SRPK2: variants seen among roughly 807,000 people sequenced by gnomAD.
SRPK2 encodes SRSF protein kinase 2, also known as SFRS protein kinase 2.
SRPK2 carries 21 observed loss-of-function variants against 90.8 expected under a neutral mutation model. The observed-to-expected ratio is 0.23, with a 90% confidence interval of 0.16 to 0.33. The LOEUF is 0.33. Ranked by LOEUF, SRPK2 falls within the 10% of genes least tolerant of loss-of-function variation. SRPK2 has a pLI of 1.00. For synonymous variants in SRPK2, 288 were observed against 311.1 expected, an observed-to-expected ratio of 0.93 and a Z score of 0.78; for missense variants, 620 against 869.0, an observed-to-expected ratio of 0.71 and a Z score of 3.60.
chr7:105,396,796 GAA>G (rs1310987532), intron 1 of SRPK2, among the ~76,000 whole-genome samples: 4 of 84,292 alleles, frequency 4.7e-5, no homozygotes, highest in Admixed American at 1.5e-4. Flanking sequence ...GAAAGAAAGA[GAA>G]AGAGAAAGAA....
upstream of SRPK2, among the ~76,000 whole-genome samples, chr7:105,393,459 CTTTTTTTT>C (rs58162170): frequency 0.022 from 1,826 of 81,250 alleles, 35 homozygotes; most frequent in African/African-American, 0.064. Flanking sequence ...TCTGGTTTTT[CTTTTTTTT>C]TTTTTTTTTT....
At chr7:105,288,085 T>C (rs1271958168) in intron 2 of SRPK2, among the ~76,000 whole-genome samples, 1 of 152,172 alleles carries the variant, frequency 6.6e-6, no homozygotes, top group African/African-American at 2.4e-5. Context: ...GAGAGTGTTA[T>C]ATTAAAGGAA....
rs563667303 is a variant in SRPK2 at position 105,197,299 on chromosome 7, T to C, written c.229+6329A>G. Among the ~76,000 whole-genome samples, 16 of 152,320 alleles carry C rather than the reference T, an allele frequency of 1.1e-4. No homozygotes were observed. The South Asian group carries it at 1.7e-3, about 16-fold the overall frequency. On this transcript the variant is annotated intron_variant, in intron 3 of 15. Transcript: ENST00000393651. Reference sequence around the variant, plus strand: ...TGTGTATACTTATAATATTTTATGCTCTATTTTGAAGAAAATAATGTCCCT... The same window carrying C: ...TGTGTATACTTATAATATTTTATGCCCTATTTTGAAGAAAATAATGTCCCT...
intron 3 of SRPK2, among the ~76,000 whole-genome samples, chr7:105,169,956 C>T (rs1056890348): frequency 6.6e-6 from 1 of 152,128 alleles, no homozygotes; most frequent in African/African-American, 2.4e-5. Context: ...GCTGGAACTA[C>T]AGGCACACAC....
Position 105,396,528 on chromosome 7 carries a change from G to A in SRPK2, n.153+2628C>T, listed in dbSNP as rs375322498. ...TGCCTGTAGTCCCAGCTACTTGGAA[G>A]GCTGAGGCAGGAGAATGGTGTGAAC... On this transcript the variant is annotated intron_variant and non_coding_transcript_variant, in intron 1 of 3. Transcript: ENST00000462282. Among the ~76,000 whole-genome samples, 10 of 151,838 alleles carry A rather than the reference G, an allele frequency of 6.6e-5. 1 individual carries two copies. In the South Asian group the frequency reaches 1.9e-3, roughly 28 times the overall value.
intron 3 of SRPK2, among the ~76,000 whole-genome samples, chr7:105,179,725 T>C: frequency 6.9e-6 from 1 of 145,274 alleles, no homozygotes. Context: ...CTGGGGAGGC[T>C]GAGGCAGGAG....
intron 2 of SRPK2, among the ~76,000 whole-genome samples, chr7:105,323,993 G>GTGTGTA (rs1431594038): frequency 3.0e-5 from 4 of 131,744 alleles, no homozygotes; most frequent in African/African-American, 7.7e-5. Flanking sequence ...GTGTGTGTGT[G>GTGTGTA]TGTGTGTGTG....
chr7:105,305,473 A>G (rs899518680), intron 2 of SRPK2, among the ~76,000 whole-genome samples: 4 of 152,284 alleles, frequency 2.6e-5, no homozygotes, highest in African/African-American at 4.8e-5. Context: ...CTAGTTTATT[A>G]TAACAGTATA....
chr7:105,363,529 C>T (rs1457892907), intron 2 of SRPK2, among the ~76,000 whole-genome samples: 2 of 152,158 alleles, frequency 1.3e-5, no homozygotes, highest in East Asian at 1.9e-4. Context: ...CAGGAAACAA[C>T]ACGTGCTGGA....
chr7:105,196,714 A>G (rs1794960364), intron 3 of SRPK2, among the ~76,000 whole-genome samples: 1 of 152,200 alleles, frequency 6.6e-6, no homozygotes, highest in African/African-American at 2.4e-5. Context: ...TACAAATATC[A>G]ATTCTAAAGC....
chr7:105,181,749 G>A, intron 3 of SRPK2, among the ~76,000 whole-genome samples: 1 of 151,776 alleles, frequency 6.6e-6, no homozygotes. Context: ...GAGAGAATTA[G>A]AAAAAACATC....
intron 3 of SRPK2, among the ~76,000 whole-genome samples, chr7:105,195,358 T>C (rs1265310067): frequency 6.6e-6 from 1 of 152,192 alleles, no homozygotes; most frequent in Admixed American, 6.5e-5. Flanking sequence ...CTGCTAAATA[T>C]GTTTTGTAAA....
At chr7:105,215,672 C>G (rs1187991342) in intron 2 of SRPK2, among the ~76,000 whole-genome samples, 1 of 152,102 alleles carries the variant, frequency 6.6e-6, no homozygotes, top group Non-Finnish European at 1.5e-5. Flanking sequence ...ATGAAGTACT[C>G]ATAGATGCTA....
chr7:105,193,065 T>C (rs930437327), intron 3 of SRPK2, among the ~76,000 whole-genome samples: 1 of 152,230 alleles, frequency 6.6e-6, no homozygotes, highest in South Asian at 2.1e-4. Flanking sequence ...GTATTTAACT[T>C]TGTTTTGATC....
chr7:105,253,787 T>C (rs1452378088), intron 2 of SRPK2, among the ~76,000 whole-genome samples: 2 of 152,206 alleles, frequency 1.3e-5, no homozygotes, highest in African/African-American at 4.8e-5. Context: ...GTAATTTTAT[T>C]GTAGTGCAAC....
intron 3 of SRPK2, among the ~76,000 whole-genome samples, chr7:105,176,749 ATGTGTGTGTGTG>A (rs10607750): frequency 5.5e-5 from 8 of 144,318 alleles, no homozygotes; most frequent in Non-Finnish European, 7.6e-5. Flanking sequence ...ATGTGTGTAT[ATGTGTGTGTGTG>A]TGTGTGTGTG....
intron 2 of SRPK2, among the ~76,000 whole-genome samples, chr7:105,278,407 C>T (rs1021312378): frequency 2.0e-5 from 3 of 151,416 alleles, no homozygotes; most frequent in Non-Finnish European, 2.9e-5. Context: ...GGCGCAGTGG[C>T]TCACAACTGT....
chr7:105,277,235 T>C (rs7801804), intron 2 of SRPK2, among the ~76,000 whole-genome samples: 109,122 of 151,624 alleles, frequency 0.72, 39,778 homozygotes, highest in African/African-American at 0.83. Context: ...CACTACCACG[T>C]CCGGCTAATT....
At chr7:105,331,696 T>C (rs1205786384) in intron 2 of SRPK2, among the ~76,000 whole-genome samples, 2 of 152,276 alleles carry the variant, frequency 1.3e-5, no homozygotes, top group Admixed American at 6.5e-5. Flanking sequence ...AACTGAAATC[T>C]ACCGGAAAAC....
Sources: allele counts gnomAD v4.1 joint callset (sites outside exome capture counted in the v4.1 genomes callset), GRCh38; gene constraint gnomAD v4.1.1; transcripts MANE v1.5; gene names NCBI Gene and HGNC (gene_info 2026-07-23, HGNC 2026-07-21).